Variants in PDE7A observed in about 807,000 individuals in gnomAD.
The protein encoded by PDE7A is phosphodiesterase 7A, also known as high affinity 3',5'-cyclic-AMP phosphodiesterase 7A.
A neutral mutation model predicts 64.3 loss-of-function variants in PDE7A; 39 were observed. That is an observed-to-expected ratio of 0.61 (90% confidence interval 0.47 to 0.79). PDE7A has a LOEUF of 0.79. PDE7A is among the 30% of genes least tolerant of loss of function. The pLI, the probability that PDE7A is intolerant of heterozygous loss-of-function variation, is 0.00. For synonymous variants in PDE7A, 203 were observed against 206.8 expected, an observed-to-expected ratio of 0.98 and a Z score of 0.16; for missense variants, 470 against 582.8, an observed-to-expected ratio of 0.81 and a Z score of 1.99.
At chr8:65,784,836 A>C (rs186896198) in intron 1 of PDE7A, among the ~76,000 whole-genome samples, 1 of 152,006 alleles carries the variant, frequency 6.6e-6, no homozygotes, top group Non-Finnish European at 1.5e-5. Flanking sequence ...AAAAAAATAT[A>C]AAAAAATGCT....
In PDE7A at chr8:65,814,844, G is replaced by A. The variant is rs189478825; in HGVS notation, c.138+26527C>T. On this transcript the variant is annotated intron_variant, in intron 1 of 12. Transcript: ENST00000401827. ...ACATGTAATCCCAGCACTTTTGGGA[G>A]GCTGAGGAGGATGGATCACCTGAGG... Among the ~76,000 whole-genome samples, 19 of 152,242 alleles carry A rather than the reference G, an allele frequency of 1.2e-4. No homozygotes were observed. In the East Asian group the frequency reaches 3.5e-3, roughly 28 times the overall value.
chr8:65,737,031 T>C (rs903408793), intron 6 of PDE7A, among the ~76,000 whole-genome samples: 3 of 150,306 alleles, frequency 2.0e-5, no homozygotes, highest in African/African-American at 4.9e-5. Flanking sequence ...TGGCTGGAGC[T>C]TGGGAAGTTG....
In PDE7A at chr8:65,778,190, G is replaced by A. The variant is rs560567489; in HGVS notation, c.283+1530C>T. On this transcript the variant is annotated intron_variant, in intron 3 of 12. Transcript: ENST00000401827. ...GCTCATCAACAGAATATGGAAATGC[G>A]ATGTTATGCCAGGGTCTGGGCCCAG... 1.2e-4 allele frequency among the ~76,000 whole-genome samples: 19 copies of A among 152,216 alleles called. No homozygotes were observed. The South Asian group carries it at 2.3e-3, about 18-fold the overall frequency.
chr8:65,800,731 A>G (rs1490594518), intron 1 of PDE7A, among the ~76,000 whole-genome samples: 2 of 152,200 alleles, frequency 1.3e-5, no homozygotes, highest in Non-Finnish European at 2.9e-5. Flanking sequence ...GGTTAAAACC[A>G]GAAAGACGCC....
At chr8:65,730,329 C>T (rs990325186) in intron 7 of PDE7A, among the ~76,000 whole-genome samples, 8 of 151,084 alleles carry the variant, frequency 5.3e-5, no homozygotes, top group African/African-American at 1.5e-4. Context: ...TACAGGCATG[C>T]GCCACCACAA....
At chr8:65,773,078 ACAAT>A (rs1207605808) in intron 3 of PDE7A, among the ~76,000 whole-genome samples, 10 of 152,212 alleles carry the variant, frequency 6.6e-5, no homozygotes, top group Admixed American at 6.5e-4. Context: ...AATGTTTAGG[ACAAT>A]CAGAGGAGTC....
At position 65,715,096 on chromosome 8, in the gene PDE7A, G is replaced by A. The variant is rs964075815; in HGVS notation, c.*4194C>T. ...AGGCCCAAAGGGTGGCCATGTGTGT[G>A]AAAATTTTTAGTCTCCCATGTAAAA... On this transcript the variant is annotated 3_prime_UTR_variant, in exon 13 of 13. Transcript: ENST00000401827. Among the ~76,000 whole-genome samples, 7 of 152,130 alleles carry A rather than the reference G, an allele frequency of 4.6e-5. No homozygotes were observed. The highest frequency in any genetic ancestry group is 1.3e-4 in the Admixed American group (2 of 15,278).
intron 6 of PDE7A, among the ~76,000 whole-genome samples, chr8:65,736,108 T>C (rs774188991): frequency 1.1e-4 from 16 of 152,042 alleles, no homozygotes; most frequent in Non-Finnish European, 7.4e-5. Flanking sequence ...CAGTAAGAAA[T>C]TAACAATAAT....
intron 3 of PDE7A, among the ~76,000 whole-genome samples, chr8:65,761,309 C>G (rs1190706711): frequency 6.6e-6 from 1 of 152,220 alleles, no homozygotes; most frequent in Non-Finnish European, 1.5e-5. Context: ...CGTGATCCAC[C>G]TGCCTTGGCC....
In PDE7A at chr8:65,715,184, TTAAC is replaced by T. The variant is rs1157735057; in HGVS notation, c.*4102_*4105del. On this transcript the variant is annotated 3_prime_UTR_variant, in exon 13 of 13. Coordinates refer to ENST00000401827, the MANE Select transcript of PDE7A (RefSeq NM_001242318.3). ...TTTAAAAAAGTAATCTTTTAAATAT[TTAAC>T]TGTTTCCTAAAATTTTTTAGAAAAA... is the stretch of plus-strand genomic sequence containing the variant. 9.2e-5 allele frequency among the ~76,000 whole-genome samples: 14 copies of T among 152,260 alleles called. No homozygotes were observed. Among genetic ancestry groups the T allele is most frequent in the African/African-American group, 4.8e-5 (2 of 41,558 alleles).
At position 65,714,386 on chromosome 8, in the gene PDE7A, G is replaced by C. The variant is rs2048648; in HGVS notation, c.*4904C>G. 0.87 allele frequency: 132,733 copies of C among 151,972 alleles called. 58,383 individuals are homozygous for C. Among genetic ancestry groups the C allele is most frequent in the African/African-American group, 0.96 (39,978 of 41,470 alleles). The allele number at this position is 151,972 out of a possible 1,614,324, so 9.4% of individuals were successfully genotyped here. ...TGGCCCAATGTACACCAGCCCTATGGTGAGCACAGGAACCAGGAAGATGGA... is the reference window on the plus strand; with the variant it reads ...TGGCCCAATGTACACCAGCCCTATGCTGAGCACAGGAACCAGGAAGATGGA... On this transcript the variant is annotated 3_prime_UTR_variant, in exon 13 of 13. Transcript: ENST00000401827.
At chr8:65,746,647 T>C (rs1807689837) in intron 4 of PDE7A, among the ~76,000 whole-genome samples, 1 of 152,192 alleles carries the variant, frequency 6.6e-6, no homozygotes, top group South Asian at 2.1e-4. Flanking sequence ...TATACATTTA[T>C]GAATACACTG....
chr8:65,794,440 ACTT>A (rs1266804260), intron 1 of PDE7A, among the ~76,000 whole-genome samples: 1 of 152,096 alleles, frequency 6.6e-6, no homozygotes, highest in East Asian at 1.9e-4. Context: ...AAAAAAAAAA[ACTT>A]CACCTATAAG....
At chr8:65,769,167 G>A (rs1184447498) in intron 3 of PDE7A, among the ~76,000 whole-genome samples, 1 of 147,286 alleles carries the variant, frequency 6.8e-6, no homozygotes, top group African/African-American at 2.5e-5. Flanking sequence ...AGAATTGCTT[G>A]AACCAGGGAG....
chr8:65,735,002 G>T, intron 6 of PDE7A, 108 bp from the exon 7 acceptor site: 1 of 717,008 alleles, frequency 1.4e-6, no homozygotes, highest in Non-Finnish European at 2.5e-6. Context: ...TGTAGCTATC[G>T]GCTAAAATCG....
chr8:65,739,096 A>G (rs1161918989), intron 6 of PDE7A, among the ~76,000 whole-genome samples: 2 of 152,238 alleles, frequency 1.3e-5, no homozygotes, highest in African/African-American at 4.8e-5. Context: ...ACCTGCCACT[A>G]CTGTTTGAAC....
chr8:65,835,091 T>C lies in PDE7A; in HGVS notation c.138+6280A>G, dbSNP rs1563525392. On this transcript the variant is annotated intron_variant, in intron 1 of 12. Coordinates refer to ENST00000401827, the MANE Select transcript of PDE7A (RefSeq NM_001242318.3). ...GTTACTTTTAGGCAAGAATAAGCCATTTAAATGTGGAAGAGAATAAATTCA... is the reference window on the plus strand; with the variant it reads ...GTTACTTTTAGGCAAGAATAAGCCACTTAAATGTGGAAGAGAATAAATTCA... 2.0e-5 allele frequency among the ~76,000 whole-genome samples: 3 copies of C among 152,356 alleles called. No homozygotes were observed. The South Asian group carries it at 6.2e-4, about 32-fold the overall frequency.
At chr8:65,730,745 T>C (rs1177945603) in intron 7 of PDE7A, among the ~76,000 whole-genome samples, 1 of 151,962 alleles carries the variant, frequency 6.6e-6, no homozygotes, top group Non-Finnish European at 1.5e-5. Flanking sequence ...CTGGCCATCA[T>C]GGCAAAACCC....
At chr8:65,756,295 C>CATGT (rs1424091313) in intron 3 of PDE7A, among the ~76,000 whole-genome samples, 1 of 152,154 alleles carries the variant, frequency 6.6e-6, no homozygotes, top group Non-Finnish European at 1.5e-5. Context: ...TGTGCATATT[C>CATGT]ATGTCTTCAT....
Sources: gnomAD v4.1 joint callset for allele counts (sites outside exome capture counted in the v4.1 genomes callset) on GRCh38, gnomAD v4.1.1 for gene constraint, MANE v1.5 for transcripts, NCBI Gene and HGNC (gene_info 2026-07-23, HGNC 2026-07-21) for gene names.